The following TESK2 variants were observed in gnomAD, a reference collection of about 807,000 sequenced individuals.
The protein encoded by TESK2 is testis associated actin remodelling kinase 2.
A neutral mutation model predicts 57.1 loss-of-function variants in TESK2; 39 were observed. The observed-to-expected ratio is 0.68, with a 90% CI of 0.53 to 0.89. The LOEUF (loss-of-function observed/expected upper bound fraction) is 0.89, where lower values mean the gene tolerates loss of function less well. Ranked by LOEUF, TESK2 falls within the 40% of genes least tolerant of loss-of-function variation. The pLI is 0.00. For synonymous variants in TESK2, 249 were observed against 267.9 expected (o/e 0.93, Z 0.69); for missense variants, 646 against 732.1 (o/e 0.88, Z 1.36).
chr1:45,485,946 T>C (rs1356209737), intron 1 of TESK2, among the ~76,000 whole-genome samples: 1 of 152,246 alleles, frequency 6.6e-6, no homozygotes, highest in Non-Finnish European at 1.5e-5. Context: ...GCCTTTATAT[T>C]AACCATCATA....
chr1:45,477,521 C>G (rs1312133579), intron 1 of TESK2, among the ~76,000 whole-genome samples: 1 of 151,522 alleles, frequency 6.6e-6, no homozygotes, highest in Non-Finnish European at 1.5e-5. Context: ...ACTCGGGAGG[C>G]TGAGACGGGA....
intron 2 of TESK2, among the ~76,000 whole-genome samples, chr1:45,428,128 C>T (rs1382439406): frequency 6.6e-6 from 1 of 152,114 alleles, no homozygotes; most frequent in Non-Finnish European, 1.5e-5. Flanking sequence ...ACAGCATTTG[C>T]TACATACTAG....
chr1:45,463,355 T>A (rs1570755961), intron 1 of TESK2, among the ~76,000 whole-genome samples: 1 of 152,356 alleles, frequency 6.6e-6, no homozygotes, highest in East Asian at 1.9e-4. Flanking sequence ...TGTAGTACTT[T>A]CACAGTTTGA....
At chr1:45,472,747 T>C (rs1425743916) in intron 1 of TESK2, among the ~76,000 whole-genome samples, 1 of 152,014 alleles carries the variant, frequency 6.6e-6, no homozygotes, top group African/African-American at 2.4e-5. Flanking sequence ...TGAGTTTAAG[T>C]TGCCTGAAGG....
chr1:45,471,656 T>G (rs112506524), intron 1 of TESK2, among the ~76,000 whole-genome samples: 2,366 of 152,062 alleles, frequency 0.016, 39 homozygotes, highest in African/African-American at 0.041. Context: ...TCTGCCCAAC[T>G]CAGCCTCCCA....
At chr1:45,470,635 T>C (rs543651979) in intron 1 of TESK2, among the ~76,000 whole-genome samples, 34 of 152,306 alleles carry the variant, frequency 2.2e-4, no homozygotes, top group African/African-American at 8.2e-4. Flanking sequence ...AGCCATGACA[T>C]AAAACAGAAA....
rs546964512 is a variant in TESK2, at chr1:45,417,555, A to G, written c.344+4170T>C. 2.0e-5 allele frequency among the ~76,000 whole-genome samples: 3 copies of G among 151,856 alleles called. No homozygotes were observed. The South Asian group carries it at 6.2e-4, about 32-fold the overall frequency. Reference sequence around the variant, plus strand: ...CTTTTGTTGCTTGTGCACATCCAAAAAATTGTCTACCCAATCTCATGGAGA... The same window carrying G: ...CTTTTGTTGCTTGTGCACATCCAAAGAATTGTCTACCCAATCTCATGGAGA... On this transcript the variant is annotated intron_variant, in intron 3 of 10. Transcript: ENST00000372086.
chr1:45,407,615 TAGTG>T lies in TESK2; in HGVS notation c.344+14106_344+14109del, dbSNP rs1312352690. ...GGTCTCTCCCATGCTGTTTTCGTGA[TAGTG>T]AGTAAGTCTCACGATATCTGATAGT... On this transcript the variant is annotated intron_variant, in intron 3 of 10. Transcript: ENST00000372086. 5.3e-5 allele frequency among the ~76,000 whole-genome samples: 8 copies of T among 152,182 alleles called. No homozygotes were observed. In the South Asian group the frequency reaches 8.3e-4, roughly 16 times the overall value.
At chr1:45,396,531 C>A (rs1262137593) in intron 3 of TESK2, among the ~76,000 whole-genome samples, 1 of 151,996 alleles carries the variant, frequency 6.6e-6, no homozygotes, top group Non-Finnish European at 1.5e-5. Context: ...CTCTGTTGCC[C>A]ACGCTGGAGT....
chr1:45,391,309 A>G (rs1649136834), intron 3 of TESK2, among the ~76,000 whole-genome samples: 1 of 143,836 alleles, frequency 7.0e-6, no homozygotes, highest in South Asian at 2.2e-4. Flanking sequence ...CCTCAACCTC[A>G]TTGGCTCACG....
intron 1 of TESK2, among the ~76,000 whole-genome samples, chr1:45,467,683 T>C (rs1652610311): frequency 6.6e-6 from 1 of 152,038 alleles, no homozygotes; most frequent in African/African-American, 2.4e-5. Context: ...CTATGTAGCA[T>C]GCTTAAGCCA....
intron 2 of TESK2, among the ~76,000 whole-genome samples, chr1:45,426,173 T>C (rs1340806119): frequency 6.6e-6 from 1 of 151,800 alleles, no homozygotes; most frequent in Non-Finnish European, 1.5e-5. Context: ...AGAAAGAAAC[T>C]GGAGGAATCA....
intron 4 of TESK2, among the ~76,000 whole-genome samples, chr1:45,359,278 G>A (rs1647573212): frequency 1.3e-5 from 2 of 152,242 alleles, no homozygotes; most frequent in Non-Finnish European, 2.9e-5. Context: ...TGTGAAAGTT[G>A]GCCAGGCGCC....
chr1:45,454,585 G>C (rs1291882843), intron 2 of TESK2, among the ~76,000 whole-genome samples: 4 of 151,814 alleles, frequency 2.6e-5, no homozygotes, highest in Non-Finnish European at 4.4e-5. Context: ...AGCCAAAATG[G>C]TAAATTTTGT....
chr1:45,483,123 C>CA (rs538335039), intron 1 of TESK2, among the ~76,000 whole-genome samples: 25 of 146,640 alleles, frequency 1.7e-4, no homozygotes, highest in Non-Finnish European at 2.8e-4. Flanking sequence ...ACTAAAAATA[C>CA]AAAAAAAATT....
intron 1 of TESK2, among the ~76,000 whole-genome samples, chr1:45,461,032 CT>C (rs965501875): frequency 6.6e-6 from 1 of 150,988 alleles, no homozygotes. Context: ...GTCATAATAG[CT>C]TTTTTTTTGG....
chr1:45,463,504 T>C (rs2149301869), intron 1 of TESK2, among the ~76,000 whole-genome samples: 1 of 152,338 alleles, frequency 6.6e-6, no homozygotes, highest in South Asian at 2.1e-4. Flanking sequence ...GGCACCTTTG[T>C]TGAAAATGAG....
At chr1:45,421,507 A>G (rs1254425887) in intron 3 of TESK2, among the ~76,000 whole-genome samples, 3 of 152,184 alleles carry the variant, frequency 2.0e-5, no homozygotes, top group African/African-American at 7.2e-5. Flanking sequence ...GAGTAAAGCA[A>G]CTTAAGAGAT....
At chr1:45,402,407 AAAAG>A (rs1333422926) in intron 3 of TESK2, among the ~76,000 whole-genome samples, 1 of 151,176 alleles carries the variant, frequency 6.6e-6, no homozygotes, top group Non-Finnish European at 1.5e-5. Flanking sequence ...AAAAAAAAAA[AAAAG>A]AAAAAGAAAA....
Sources: gnomAD v4.1 joint callset for allele counts (sites outside exome capture counted in the v4.1 genomes callset) on GRCh38, gnomAD v4.1.1 for gene constraint, MANE v1.5 for transcripts, NCBI Gene and HGNC (gene_info 2026-07-23, HGNC 2026-07-21) for gene names.